SNX6: variants seen among roughly 807,000 people sequenced by gnomAD.
SNX6 encodes sorting nexin 6.
SNX6 carries 34 observed loss-of-function variants against 63.0 expected under a neutral mutation model. The ratio of observed to expected loss-of-function variants is 0.54; its 90% confidence interval spans 0.41 to 0.72. The LOEUF (loss-of-function observed/expected upper bound fraction) is 0.72, where lower values mean the gene tolerates loss of function less well. Among genes scored for constraint, SNX6 ranks in the 30% least tolerant of loss-of-function variants. The pLI, the probability that SNX6 is intolerant of heterozygous loss-of-function variation, is 0.00. For synonymous variants in SNX6, 170 were observed against 164.2 expected (o/e 1.04, Z -0.27); for missense variants, 398 against 471.4 (o/e 0.84, Z 1.44).
chr14:34,575,719 T>C (rs780111544), intron 11 of SNX6, 37 bp downstream of exon 11: 1 of 1,207,128 alleles, frequency 8.3e-7, no homozygotes, highest in East Asian at 2.4e-5. Flanking sequence ...AAATGGCTGT[T>C]TGTAAAATGG....
chr14:34,611,289 C>G (rs1883216555), intron 2 of SNX6, among the ~76,000 whole-genome samples: 1 of 151,688 alleles, frequency 6.6e-6, no homozygotes, highest in African/African-American at 2.4e-5. Flanking sequence ...CTAGCCTGGC[C>G]AACACGGCAA....
intron 2 of SNX6, among the ~76,000 whole-genome samples, chr14:34,611,490 A>C (rs147241839): frequency 0.012 from 1,885 of 151,738 alleles, 18 homozygotes; most frequent in Non-Finnish European, 0.021. Context: ...AAGAAAAAAA[A>C]AAAGGGGGGG....
At chr14:34,612,049 G>C (rs903085124) in intron 2 of SNX6, among the ~76,000 whole-genome samples, 1 of 152,176 alleles carries the variant, frequency 6.6e-6, no homozygotes, top group Admixed American at 6.5e-5. Context: ...AAAGTGCTGG[G>C]ATTACAGGCG....
At chr14:34,611,025 A>G (rs1332533787) in intron 2 of SNX6, among the ~76,000 whole-genome samples, 1 of 151,910 alleles carries the variant, frequency 6.6e-6, no homozygotes, top group Admixed American at 6.6e-5. Context: ...TTTGTTTTTG[A>G]GACAGGGTCT....
At chr14:34,570,242 T>C (rs1288146201) in intron 11 of SNX6, among the ~76,000 whole-genome samples, 1 of 151,952 alleles carries the variant, frequency 6.6e-6, no homozygotes, top group Non-Finnish European at 1.5e-5. Flanking sequence ...GCTAATTTTG[T>C]ATTTTTAGTA....
At chr14:34,617,607 C>CA (rs34716944) in intron 2 of SNX6, among the ~76,000 whole-genome samples, 4,397 of 66,744 alleles carry the variant, frequency 0.066, 516 homozygotes, top group Non-Finnish European at 0.098. Flanking sequence ...GACCCTGTCT[C>CA]AAAAAAAAAA....
intron 2 of SNX6, among the ~76,000 whole-genome samples, chr14:34,611,158 A>AT (rs1661968510): frequency 6.6e-6 from 1 of 152,106 alleles, no homozygotes; most frequent in Non-Finnish European, 1.5e-5. Context: ...ACATCCAGCT[A>AT]TTTTTGTAGT....
chr14:34,595,090 CTCAAAATGCAAA>C (rs920058523), intron 7 of SNX6, among the ~76,000 whole-genome samples: 1 of 151,916 alleles, frequency 6.6e-6, no homozygotes, highest in African/African-American at 2.4e-5. Context: ...AAGACCCTGT[CTCAAAATGCAAA>C]ATAAAATAAA....
intron 9 of SNX6, among the ~76,000 whole-genome samples, chr14:34,585,519 CAAAACAAAAACT>C (rs944146006): frequency 6.6e-6 from 1 of 152,044 alleles, no homozygotes; most frequent in African/African-American, 2.4e-5. Context: ...GACCCTGTTT[CAAAACAAAAACT>C]AAAACAAAAA....
At chr14:34,615,168 T>C (rs1245767220) in intron 2 of SNX6, among the ~76,000 whole-genome samples, 1 of 152,178 alleles carries the variant, frequency 6.6e-6, no homozygotes, top group Non-Finnish European at 1.5e-5. Flanking sequence ...AAATGGTAAC[T>C]TTTATCTATA....
intron 8 of SNX6, among the ~76,000 whole-genome samples, chr14:34,589,476 C>CA (rs1035003688): frequency 6.6e-6 from 1 of 151,638 alleles, no homozygotes. Flanking sequence ...CAAAACAAAA[C>CA]AAAAAACAAA....
At chr14:34,597,094 T>C (rs979941784) in intron 7 of SNX6, among the ~76,000 whole-genome samples, 3 of 152,252 alleles carry the variant, frequency 2.0e-5, no homozygotes, top group African/African-American at 7.2e-5. Context: ...CTGTCTGTCC[T>C]GCATCTAGGA....
Position 34,629,657 on chromosome 14 carries a change from G to A in SNX6, c.54+250C>T, listed in dbSNP as rs1402409416. 8.7e-6 allele frequency: 6 copies of A among 686,958 alleles called. No individual in the cohort carries two copies. In the African/African-American group the frequency reaches 1.1e-4, roughly 12 times the overall value. The allele number at this position is 686,958 out of a possible 1,614,324, so 42.6% of individuals were successfully genotyped here. On this transcript the variant is annotated intron_variant, in intron 2 of 13. Coordinates refer to ENST00000362031, the MANE Select transcript of SNX6 (RefSeq NM_152233.4). ...CACCCCGCCCCGCGTGGGAGTGGAG[G>A]TCCACCAGAAGGCCCGAACAGCGGC... is the stretch of plus-strand genomic sequence containing the variant.
At chr14:34,594,574 C>A (rs1566478692) in intron 7 of SNX6, among the ~76,000 whole-genome samples, 1 of 152,028 alleles carries the variant, frequency 6.6e-6, no homozygotes. Context: ...GTTGCCCAGG[C>A]TGGTCTTAAA....
In SNX6 at chr14:34,578,498, T is replaced by C. The variant is rs535114766; in HGVS notation, c.835-2656A>G. ...TACAAAAATTAGTTGGGCATGGTGA[T>C]GTGTGCCTGTAATCCCAGCTACTTG... is the stretch of plus-strand genomic sequence containing the variant. On this transcript the variant is annotated intron_variant, in intron 10 of 13. Coordinates refer to ENST00000362031, the MANE Select transcript of SNX6 (RefSeq NM_152233.4). Among the ~76,000 whole-genome samples, 535 of 149,568 alleles carry C rather than the reference T, an allele frequency of 3.6e-3. 4 individuals carry two copies. Among genetic ancestry groups the C allele is most frequent in the Non-Finnish European group, 6.6e-3 (445 of 67,390 alleles).
chr14:34,627,467 A>AG (rs1288592585), intron 2 of SNX6, among the ~76,000 whole-genome samples: 24 of 151,658 alleles, frequency 1.6e-4, no homozygotes, highest in Non-Finnish European at 2.5e-4. Flanking sequence ...AAAAAAAAAA[A>AG]TTGTTTTTTC....
chr14:34,568,563 T>A, intron 11 of SNX6: 1 of 555,764 alleles, frequency 1.8e-6, no homozygotes, highest in Non-Finnish European at 3.2e-6. Context: ...CTCAAACTCC[T>A]GGCCTCAAAG....
chr14:34,623,897 A>G (rs1365492711), intron 2 of SNX6, among the ~76,000 whole-genome samples: 1 of 152,194 alleles, frequency 6.6e-6, no homozygotes, highest in Non-Finnish European at 1.5e-5. Flanking sequence ...TCTGGCATGC[A>G]CTGTTCTTAT....
intron 7 of SNX6, among the ~76,000 whole-genome samples, chr14:34,594,609 G>A (rs1882528449): frequency 6.6e-6 from 1 of 152,050 alleles, no homozygotes; most frequent in Non-Finnish European, 1.5e-5. Context: ...TGACCCACCT[G>A]CCTCAGCCTC....
Sources: allele counts gnomAD v4.1 joint callset (sites outside exome capture counted in the v4.1 genomes callset), GRCh38; gene constraint gnomAD v4.1.1; transcripts MANE v1.5; gene names NCBI Gene and HGNC (gene_info 2026-07-23, HGNC 2026-07-21).